Variants in CPNE1 observed in about 807,000 individuals in gnomAD.
CPNE1 encodes copine 1, also known as copine-1.
In CPNE1, 58 loss-of-function variants were observed where a neutral mutation model predicts 63.2. The ratio of observed to expected loss-of-function variants is 0.92; its 90% confidence interval spans 0.74 to 1.14. The LOEUF (loss-of-function observed/expected upper bound fraction) is 1.14, where lower values mean the gene tolerates loss of function less well. Among genes scored for constraint, CPNE1 ranks in the 50% most tolerant of loss-of-function variants. The pLI, the probability that CPNE1 is intolerant of heterozygous loss-of-function variation, is 0.00. For missense variants in CPNE1, 672 were observed against 661.7 expected, an observed-to-expected ratio of 1.02 and a Z score of -0.17; for synonymous variants, 237 against 249.0, an observed-to-expected ratio of 0.95 and a Z score of 0.45.
In CPNE1 at chr20:35,631,679, G is replaced by A. The variant is rs776548116; in HGVS notation, c.627+9C>T. The A allele has an allele frequency of 6.2e-7, 1 of 1,613,706 alleles. No homozygotes were observed. Among genetic ancestry groups the A allele is most frequent in the Non-Finnish European group, 8.5e-7 (1 of 1,179,614 alleles). ...CCAGCGCAGTCCACTTAGGGGGCAA[G>A]CTCCTCACCTGGATGGGTGTGCTGG... On this transcript the variant is annotated intron_variant, in intron 7 of 15. Coordinates refer to ENST00000397443, the MANE Select transcript of CPNE1 (RefSeq NM_152925.3).
chr20:35,653,847 T>C, intron 1 of CPNE1: 1 of 1,613,946 alleles, frequency 6.2e-7, no homozygotes, highest in Middle Eastern at 1.6e-4. Context: ...CCATGTACTG[T>C]TTATGACGAC....
intron 1 of CPNE1, among the ~76,000 whole-genome samples, chr20:35,646,969 A>G (rs2033140241): frequency 6.6e-6 from 1 of 152,046 alleles, no homozygotes; most frequent in Non-Finnish European, 1.5e-5. Flanking sequence ...CCACTTCTCT[A>G]TATGACGTTT....
In CPNE1 at chr20:35,631,175, T is replaced by C. The variant is rs1347619844; in HGVS notation, c.802-2A>G. The C allele has an allele frequency of 1.2e-6, 2 of 1,614,002 alleles. No homozygotes were observed. The highest frequency in any genetic ancestry group is 1.7e-6 in the Non-Finnish European group (2 of 1,179,892). The stretch of plus-strand genomic sequence containing the variant: ...CAGAAAGGAGTACTCTGTTTCTACC[T>C]GCAAATGAAACCAGGGTCATGCCTG... On this transcript the variant is annotated splice_acceptor_variant, in intron 9 of 15. Transcript: ENST00000397443. LOFTEE classifies it high-confidence loss of function.
intron 1 of CPNE1, among the ~76,000 whole-genome samples, chr20:35,636,604 G>A (rs13041114): frequency 0.04 from 6,157 of 152,188 alleles, 175 homozygotes; most frequent in Non-Finnish European, 0.062. Flanking sequence ...CAAGACCAGC[G>A]TGGCCAACGT....
chr20:35,630,304 A>G, intron 13 of CPNE1, 135 bp downstream of exon 13: 3 of 736,784 alleles, frequency 4.1e-6, no homozygotes, highest in Non-Finnish European at 6.7e-6. Context: ...CAAAAAATAA[A>G]TTAAACTAAA....
intron 3 of CPNE1, 56 bp from the exon 4 acceptor site, chr20:35,632,441 T>TG: frequency 6.2e-7 from 1 of 1,605,870 alleles, no homozygotes. Context: ...AGGTCCTGCT[T>TG]GCCCCCTACC....
chr20:35,632,507 C>T lies in CPNE1; in HGVS notation c.309+10G>A. 1 of 1,613,096 alleles carries T rather than the reference C, an allele frequency of 6.2e-7. No homozygotes were observed. Among genetic ancestry groups the T allele is most frequent in the Non-Finnish European group, 8.5e-7 (1 of 1,179,280 alleles). Reference sequence around the variant, plus strand: ...GCATCTGAAGGATCCTAATCCCCAGCCCTACATACCTGTCCTAGGGAACAC... The same window carrying T: ...GCATCTGAAGGATCCTAATCCCCAGTCCTACATACCTGTCCTAGGGAACAC... On this transcript the variant is annotated intron_variant, in intron 3 of 15. Coordinates refer to ENST00000397443, the MANE Select transcript of CPNE1 (RefSeq NM_152925.3).
intron 1 of CPNE1, among the ~76,000 whole-genome samples, chr20:35,656,395 G>A (rs750479767): frequency 6.6e-6 from 1 of 152,072 alleles, no homozygotes; most frequent in South Asian, 2.1e-4. Context: ...CAGTTCCAAA[G>A]GCTTCTAAGA....
Position 35,631,931 on chromosome 20 carries a change from C to G in CPNE1, c.537+14G>C. The G allele has an allele frequency of 6.2e-7, 1 of 1,612,438 alleles. No individual in the cohort carries two copies. The highest frequency in any genetic ancestry group is 8.5e-7 in the Non-Finnish European group (1 of 1,178,608). ...TCTCCTACCCCAGCCCACCCAATCC[C>G]AGGGGTCTCATACCTCAGATCTGTA... On this transcript the variant is annotated intron_variant, in intron 6 of 15. Transcript: ENST00000397443.
At chr20:35,660,968 A>G (rs1938923372) in intron 1 of CPNE1, among the ~76,000 whole-genome samples, 1 of 152,242 alleles carries the variant, frequency 6.6e-6, no homozygotes, top group African/African-American at 2.4e-5. Flanking sequence ...TAAAAGGAAG[A>G]TATTTCTCAT....
intron 1 of CPNE1, among the ~76,000 whole-genome samples, chr20:35,648,064 CA>C (rs35084370): frequency 0.21 from 27,366 of 131,214 alleles, 2,879 homozygotes; most frequent in African/African-American, 0.34. Flanking sequence ...GACTCCATCT[CA>C]AAAAAAAAAA....
chr20:35,656,626 C>A (rs2033913573), intron 1 of CPNE1, among the ~76,000 whole-genome samples: 1 of 152,312 alleles, frequency 6.6e-6, no homozygotes, highest in Admixed American at 6.5e-5. Context: ...CCTCCACCTC[C>A]CAGGTTCAAG....
Position 35,639,344 on chromosome 20 carries a change from TA to T in CPNE1, c.1-6422del, listed in dbSNP as rs1275832793. Among the ~76,000 whole-genome samples, 28 of 152,258 alleles carry T rather than the reference TA, an allele frequency of 1.8e-4. No homozygotes were observed. In the South Asian group the frequency reaches 4.6e-3, roughly 25 times the overall value. Reference sequence around the variant, plus strand: ...CATAATAAAATGTTGGGGAAACTATTATTTTTTTTTTAGACAGAGTCTCACT... The same window carrying T: ...CATAATAAAATGTTGGGGAAACTATTTTTTTTTTTTAGACAGAGTCTCACT... On this transcript the variant is annotated intron_variant, in intron 1 of 15. Transcript: ENST00000397443.
rs751749297 is a variant in CPNE1, at chr20:35,653,711, C to G, written c.-1+11049G>C. 7 of 1,614,196 alleles carry G rather than the reference C, an allele frequency of 4.3e-6. No individual in the cohort carries two copies. In the Admixed American group the frequency reaches 1.2e-4, roughly 27 times the overall value. ...GCACAGACTTTGGCAGAGTTGACAT[C>G]CCCCTCTGGATTTAGTATCATTTCC... On this transcript the variant is annotated intron_variant, in intron 1 of 15. Transcript: ENST00000397443.
intron 1 of CPNE1, chr20:35,653,559 T>C: frequency 1.2e-6 from 2 of 1,614,244 alleles, no homozygotes; most frequent in Non-Finnish European, 1.7e-6. Flanking sequence ...ACTGAACCAA[T>C]GCCTGTCCTA....
chr20:35,627,926 CT>C, intron 13 of CPNE1, among the ~76,000 whole-genome samples: 1 of 152,214 alleles, frequency 6.6e-6, no homozygotes, highest in Non-Finnish European at 1.5e-5. Context: ...GGGAGGACTG[CT>C]TGAGCCCAGG....
At chr20:35,655,007 C>T (rs771136639) in intron 1 of CPNE1, 2 of 1,614,164 alleles carry the variant, frequency 1.2e-6, no homozygotes, top group Admixed American at 1.7e-5. Flanking sequence ...GGTGGTGGTC[C>T]TGATCTACTG....
At chr20:35,644,618 T>C (rs1187379069) in intron 1 of CPNE1, among the ~76,000 whole-genome samples, 1 of 152,150 alleles carries the variant, frequency 6.6e-6, no homozygotes, top group East Asian at 1.9e-4. Context: ...ACATAACTGA[T>C]GGAACCACGA....
In CPNE1 at chr20:35,626,192, G is replaced by A; in HGVS notation, c.*49C>T. 1 of 1,604,562 alleles carries A rather than the reference G, an allele frequency of 6.2e-7. No individual in the cohort carries two copies. The highest frequency in any genetic ancestry group is 8.5e-7 in the Non-Finnish European group (1 of 1,171,576). ...AGAAGGGTTGGGTTGTGGCCCAGAG[G>A]GACCTCTGGGACACAGGATTGAGGA... On this transcript the variant is annotated 3_prime_UTR_variant, in exon 16 of 16. Transcript: ENST00000397443.
Sources: allele counts gnomAD v4.1 joint callset (sites outside exome capture counted in the v4.1 genomes callset), GRCh38; gene constraint gnomAD v4.1.1; transcripts MANE v1.5; gene names NCBI Gene and HGNC (gene_info 2026-07-23, HGNC 2026-07-21).